The following PPP1R9A variants were observed in gnomAD, a reference collection of about 807,000 sequenced individuals.
The protein encoded by PPP1R9A is protein phosphatase 1 regulatory subunit 9A.
Under a neutral mutation model 141.9 loss-of-function variants are expected in PPP1R9A, and 59 were observed. The ratio of observed to expected loss-of-function variants is 0.42; its 90% confidence interval spans 0.34 to 0.52. PPP1R9A has a LOEUF of 0.52. PPP1R9A is among the 20% of genes least tolerant of loss of function. The pLI is 0.10. For missense variants in PPP1R9A, 1,444 were observed against 1,611.9 expected (o/e 0.90, Z 1.78); for synonymous variants, 500 against 569.7 (o/e 0.88, Z 1.74).
At chr7:95,265,751 C>T (rs958400546) in intron 12 of PPP1R9A, among the ~76,000 whole-genome samples, 2 of 152,108 alleles carry the variant, frequency 1.3e-5, no homozygotes, top group African/African-American at 4.8e-5. Context: ...GATTTGTAAT[C>T]CATGAATCAC....
chr7:94,984,259 C>CA (rs1214545928), intron 2 of PPP1R9A, among the ~76,000 whole-genome samples: 1 of 152,114 alleles, frequency 6.6e-6, no homozygotes, highest in African/African-American at 2.4e-5. Context: ...ATTTTTGCAT[C>CA]AATGTTCGTC....
At chr7:95,286,392 AG>A (rs1805339042) in intron 18 of PPP1R9A, 67 bp downstream of exon 18, 1 of 1,586,484 alleles carries the variant, frequency 6.3e-7, no homozygotes, top group Non-Finnish European at 8.6e-7. Flanking sequence ...AACCATCACC[AG>A]GAAAATGTTT....
At chr7:95,036,745 CT>C (rs1383696434) in intron 2 of PPP1R9A, 2 of 152,220 alleles carry the variant, frequency 1.3e-5, no homozygotes, top group Non-Finnish European at 2.9e-5. Flanking sequence ...TGAATTGCTT[CT>C]AATTTGCAGA....
At chr7:95,225,066 G>A (rs1277771583) in intron 7 of PPP1R9A, among the ~76,000 whole-genome samples, 1 of 152,158 alleles carries the variant, frequency 6.6e-6, no homozygotes, top group Middle Eastern at 3.4e-3. Context: ...TAAAGTTAAG[G>A]AAGTTAGTGG....
chr7:95,270,158 A>G (rs568077660), intron 14 of PPP1R9A, among the ~76,000 whole-genome samples: 8 of 152,250 alleles, frequency 5.3e-5, no homozygotes, highest in African/African-American at 1.9e-4. Flanking sequence ...TGTATCTCAC[A>G]AACCTAAAAT....
chr7:95,133,695 A>ATTAT (rs1475704269), intron 4 of PPP1R9A, among the ~76,000 whole-genome samples: 3 of 151,650 alleles, frequency 2.0e-5, no homozygotes, highest in South Asian at 2.1e-4. Context: ...ATTTGATTTC[A>ATTAT]TTATTTATTT....
At chr7:95,185,026 GT>G (rs200530617) in intron 5 of PPP1R9A, among the ~76,000 whole-genome samples, 93,117 of 146,060 alleles carry the variant, frequency 0.64, 29,744 homozygotes, top group African/African-American at 0.74. Context: ...CTACTTTTAA[GT>G]TTTTTTTTTT....
chr7:95,046,752 T>C (rs1810075535), intron 2 of PPP1R9A, among the ~76,000 whole-genome samples: 1 of 152,224 alleles, frequency 6.6e-6, no homozygotes, highest in Admixed American at 6.5e-5. Context: ...TTCAATTGCT[T>C]GTTTCTAAAC....
intron 2 of PPP1R9A, among the ~76,000 whole-genome samples, chr7:94,982,844 G>A (rs1044959516): frequency 6.6e-6 from 1 of 151,300 alleles, no homozygotes; most frequent in African/African-American, 2.4e-5. Context: ...ATCCCATTTT[G>A]GCTTTTGTTG....
At chr7:95,191,940 T>C (rs574575176) in intron 5 of PPP1R9A, among the ~76,000 whole-genome samples, 55 of 152,200 alleles carry the variant, frequency 3.6e-4, no homozygotes, top group Non-Finnish European at 5.4e-4. Flanking sequence ...ATATGAATCA[T>C]AGTTGTGCAG....
rs113622088 is a variant in PPP1R9A, at chr7:95,246,963, C to T, written c.2113-510C>T. Among the ~76,000 whole-genome samples the T allele has an allele frequency of 5.9e-5, 9 of 152,258 alleles. No individual in the cohort carries two copies. In the South Asian group the frequency reaches 6.2e-4, roughly 11 times the overall value. On this transcript the variant is annotated intron_variant, in intron 8 of 19. Coordinates refer to ENST00000433360, the MANE Select transcript of PPP1R9A (RefSeq NM_001166160.2). ...AAAAAATATGTATCAGAGATTTCCC[C>T]GTGCAACTGCAGTCCTCCTCCTCTC...
intron 4 of PPP1R9A, among the ~76,000 whole-genome samples, chr7:95,158,159 A>G (rs751893308): frequency 1.3e-5 from 2 of 152,208 alleles, no homozygotes; most frequent in Non-Finnish European, 2.9e-5. Context: ...ACCTACAAAC[A>G]TGATGATGCA....
rs533726686 is a variant in PPP1R9A at position 95,064,382 on chromosome 7, T to C, written c.1396-46877T>C. Reference sequence around the variant, plus strand: ...TATAAGGTACATCACGAGTATTTTCTCCGTAAGGCACATCACAACCTTCTT... The same window carrying C: ...TATAAGGTACATCACGAGTATTTTCCCCGTAAGGCACATCACAACCTTCTT... On this transcript the variant is annotated intron_variant, in intron 2 of 19. Coordinates refer to ENST00000433360, the MANE Select transcript of PPP1R9A (RefSeq NM_001166160.2). 2.0e-4 allele frequency among the ~76,000 whole-genome samples: 31 copies of C among 152,346 alleles called. No individual in the cohort carries two copies. The South Asian group carries it at 5.8e-3, about 29-fold the overall frequency.
Position 95,208,679 on chromosome 7 carries a change from A to C in PPP1R9A, c.1956+4949A>C, listed in dbSNP as rs563024407. Among the ~76,000 whole-genome samples, 5 of 151,458 alleles carry C rather than the reference A, an allele frequency of 3.3e-5. No individual in the cohort carries two copies. The South Asian group carries it at 8.4e-4, about 25-fold the overall frequency. On this transcript the variant is annotated intron_variant, in intron 7 of 19. Transcript: ENST00000433360. Reference sequence around the variant, plus strand: ...GCAGAGCTTGCAGTGAGCCGAGATCACACCACGGCACTCCATCCTGGGCCA... The same window carrying C: ...GCAGAGCTTGCAGTGAGCCGAGATCCCACCACGGCACTCCATCCTGGGCCA...
At chr7:95,073,735 A>G (rs1348894767) in intron 2 of PPP1R9A, among the ~76,000 whole-genome samples, 1 of 147,850 alleles carries the variant, frequency 6.8e-6, no homozygotes, top group Admixed American at 7.0e-5. Context: ...ACATATATAT[A>G]TAAATAAATA....
chr7:94,996,799 G>GT (rs34164253), intron 2 of PPP1R9A, among the ~76,000 whole-genome samples: 9,519 of 111,578 alleles, frequency 0.085, 787 homozygotes, highest in African/African-American at 0.2. Context: ...GATACTCTGT[G>GT]TTTTTTTTTT....
At chr7:95,060,527 G>A (rs1459859470) in intron 2 of PPP1R9A, among the ~76,000 whole-genome samples, 1 of 152,148 alleles carries the variant, frequency 6.6e-6, no homozygotes, top group Non-Finnish European at 1.5e-5. Context: ...TTATGAGTAG[G>A]ACTGTAAACT....
intron 18 of PPP1R9A, chr7:95,287,157 T>C: frequency 6.2e-7 from 1 of 1,611,104 alleles, no homozygotes; most frequent in South Asian, 1.1e-5. Context: ...GGGCTGTGTG[T>C]GGTGGCTTGT....
At chr7:95,040,564 T>G (rs1809093454) in intron 2 of PPP1R9A, among the ~76,000 whole-genome samples, 1 of 152,250 alleles carries the variant, frequency 6.6e-6, no homozygotes, top group East Asian at 1.9e-4. Flanking sequence ...GACTCAGAAC[T>G]TGACCTTTGT....
Sources: gnomAD v4.1 joint callset for allele counts (sites outside exome capture counted in the v4.1 genomes callset) on GRCh38, gnomAD v4.1.1 for gene constraint, MANE v1.5 for transcripts, NCBI Gene and HGNC (gene_info 2026-07-23, HGNC 2026-07-21) for gene names.